The following GLDC variants were observed in gnomAD, a reference collection of about 807,000 sequenced individuals.
GLDC encodes glycine dehydrogenase (decarboxylating), mitochondrial.
A neutral mutation model predicts 121.3 loss-of-function variants in GLDC; 104 were observed. The ratio of observed to expected loss-of-function variants is 0.86; its 90% CI spans 0.73 to 1.01. The LOEUF is 1.01. Ranked by LOEUF, GLDC falls within the 50% of genes least tolerant of loss-of-function variation. GLDC has a pLI of 0.00. For missense variants in GLDC, 1,429 were observed against 1,306.6 expected (o/e 1.09, Z -1.44); for synonymous variants, 546 against 480.6 (o/e 1.14, Z -1.78).
chr9:6,619,802 A>T (rs1299008432), intron 3 of GLDC, among the ~76,000 whole-genome samples: 1 of 152,158 alleles, frequency 6.6e-6, no homozygotes, highest in Non-Finnish European at 1.5e-5. Context: ...CCAATGACTC[A>T]ATGAGATAGC....
chr9:6,535,907 A>T, intron 23 of GLDC, 157 bp downstream of exon 23: 1 of 720,212 alleles, frequency 1.4e-6, no homozygotes, highest in Non-Finnish European at 2.4e-6. Context: ...AAGACGATGG[A>T]AACTTCAAAG....
At chr9:6,603,020 G>C (rs1318916393) in intron 7 of GLDC, among the ~76,000 whole-genome samples, 2 of 152,036 alleles carry the variant, frequency 1.3e-5, no homozygotes, top group African/African-American at 4.8e-5. Context: ...CTGAGGTCCA[G>C]AGTTTGAGAC....
intron 2 of GLDC, among the ~76,000 whole-genome samples, chr9:6,629,953 A>ATTTTTT (rs1208714084): frequency 7.0e-5 from 5 of 71,752 alleles, no homozygotes; most frequent in African/African-American, 2.7e-4. Flanking sequence ...ATGTATATAT[A>ATTTTTT]TATATTTTTT....
chr9:6,553,661 G>A (rs1359160428), intron 19 of GLDC, 152 bp from the exon 20 acceptor site: 10 of 747,276 alleles, frequency 1.3e-5, no homozygotes, highest in African/African-American at 1.2e-4. Context: ...AGATGTTCAG[G>A]AAGCGATCCT....
At chr9:6,615,766 A>G (rs1464349009) in intron 3 of GLDC, among the ~76,000 whole-genome samples, 1 of 151,874 alleles carries the variant, frequency 6.6e-6, no homozygotes, top group African/African-American at 2.4e-5. Context: ...GCCTATCACT[A>G]GGCCTGGCTA....
At chr9:6,558,530 C>G in intron 17 of GLDC, 29 bp downstream of exon 17, 1 of 1,613,690 alleles carries the variant, frequency 6.2e-7, no homozygotes, top group Non-Finnish European at 8.5e-7. Flanking sequence ...ATCCCGGCCT[C>G]TCCCATCTGC....
At chr9:6,634,415 G>C (rs1383959071) in intron 2 of GLDC, among the ~76,000 whole-genome samples, 1 of 152,014 alleles carries the variant, frequency 6.6e-6, no homozygotes, top group Admixed American at 6.6e-5. Context: ...AGCAGTCCCA[G>C]CTACTAGGGA....
At position 6,644,948 on chromosome 9, in the gene GLDC, G is replaced by T. The variant is rs190820220; in HGVS notation, c.256-256C>A. On this transcript the variant is annotated intron_variant, in intron 1 of 24. Transcript: ENST00000321612. ...ACCGGTAAGCCCACTCTTAATCAGGGGGTCTTCCTCCTCTTGCAAAGTTTA... is the reference window on the plus strand; with the variant it reads ...ACCGGTAAGCCCACTCTTAATCAGGTGGTCTTCCTCCTCTTGCAAAGTTTA... 6 of 611,534 alleles carry T rather than the reference G, an allele frequency of 9.8e-6. No homozygotes were observed. In the East Asian group the frequency reaches 1.6e-4, roughly 17 times the overall value. 37.9% of individuals were successfully genotyped at this position (611,534 alleles called of 1,614,324 possible).
At position 6,587,251 on chromosome 9, in the gene GLDC, G is replaced by A. The variant is rs1587946346; in HGVS notation, c.1740C>T (p.His580=). 5 of 1,613,812 alleles carry A rather than the reference G, an allele frequency of 3.1e-6. No individual in the cohort carries two copies. In the South Asian group the frequency reaches 4.4e-5, roughly 14 times the overall value. ...GAGCTTGATCCAGAGGCACAAAGGG[G>A]TGGATGTTTGCAAATTCTTTCCATG... ...PITWKEFANI[H]PFVPLDQAQG... is the part of the protein sequence containing the mutation. Residue 580 remains histidine (H), a synonymous_variant, in exon 15 of 25, where the codon CAC becomes CAT. Transcript: ENST00000321612.
In GLDC at chr9:6,639,668, A is replaced by AAAAAATATATATATATATAT; in HGVS notation, c.334+4945_334+4946insATATATATATATATATTTTT. The AAAAAATATATATATATATAT allele has an allele frequency of 5.3e-3, 1,324 of 250,214 alleles. 14 individuals carry two copies. Among genetic ancestry groups the AAAAAATATATATATATATAT allele is most frequent in the Non-Finnish European group, 6.9e-3 (1,069 of 155,810 alleles). The allele number at this position is 250,214 out of a possible 1,614,324, so 15.5% of individuals were successfully genotyped here. A position where few individuals can be genotyped will look rare whatever the true frequency, so the allele number is the denominator to read the frequency against. ...ATATATCTTTTCACCATAAAAAAAA[A>AAAAAATATATATATATATAT]GTATATATATATATATATATGGACA... On this transcript the variant is annotated intron_variant, in intron 2 of 24. Coordinates refer to ENST00000321612, the MANE Select transcript of GLDC (RefSeq NM_000170.3).
At chr9:6,644,534 A>C in intron 2 of GLDC, 80 bp downstream of exon 2, 13 of 908,440 alleles carry the variant, frequency 1.4e-5, no homozygotes, top group Non-Finnish European at 2.4e-5. Context: ...TCCTTACCCC[A>C]GAGCTCGATT....
At chr9:6,635,774 C>G (rs1393364774) in intron 2 of GLDC, among the ~76,000 whole-genome samples, 2 of 151,962 alleles carry the variant, frequency 1.3e-5, no homozygotes, top group East Asian at 3.9e-4. Flanking sequence ...ACTTGGAAGG[C>G]TGAGGTGACA....
At chr9:6,572,496 G>C (rs192129870) in intron 15 of GLDC, among the ~76,000 whole-genome samples, 12 of 152,240 alleles carry the variant, frequency 7.9e-5, no homozygotes, top group Non-Finnish European at 1.5e-4. Context: ...CTATGGGAGA[G>C]ACACGGTCCT....
intron 2 of GLDC, among the ~76,000 whole-genome samples, chr9:6,622,532 G>A (rs1281686974): frequency 2.0e-5 from 3 of 152,142 alleles, no homozygotes; most frequent in Non-Finnish European, 4.4e-5. Flanking sequence ...ACAGAGTCTC[G>A]TTCACTCAGT....
chr9:6,535,395 G>A (rs1817104589), intron 23 of GLDC, among the ~76,000 whole-genome samples: 1 of 151,250 alleles, frequency 6.6e-6, no homozygotes, highest in Admixed American at 6.6e-5. Context: ...CTCTAGAGAG[G>A]TGCCTGCCTT....
In GLDC at chr9:6,606,678, A is replaced by G. The variant is rs1254322993; in HGVS notation, c.636-9T>C. 3.2e-6 allele frequency: 5 copies of G among 1,543,678 alleles called. No individual in the cohort carries two copies. The highest frequency in any genetic ancestry group is 1.7e-5 in the Admixed American group (1 of 59,922). On this transcript the variant is annotated splice_polypyrimidine_tract_variant and intron_variant, in intron 4 of 24. Coordinates refer to ENST00000321612, the MANE Select transcript of GLDC (RefSeq NM_000170.3). ...TCCTCCTCTTGTTGTGTCTGTTGAA[A>G]AGAAAAAGCACATTCCAACGTGAAC...
intron 3 of GLDC, among the ~76,000 whole-genome samples, chr9:6,617,069 G>A (rs1325349437): frequency 3.3e-5 from 5 of 151,988 alleles, no homozygotes; most frequent in Admixed American, 6.6e-5. Flanking sequence ...GTTTTCTTTC[G>A]AGGCTATGTC....
At chr9:6,620,548 T>G (rs1407810635) in intron 2 of GLDC, among the ~76,000 whole-genome samples, 6 of 152,114 alleles carry the variant, frequency 3.9e-5, no homozygotes, top group Admixed American at 3.9e-4. Context: ...CCATCACTGT[T>G]TTGACTGTTC....
At chr9:6,640,537 A>G (rs1819608584) in intron 2 of GLDC, among the ~76,000 whole-genome samples, 2 of 152,254 alleles carry the variant, frequency 1.3e-5, no homozygotes, top group Non-Finnish European at 2.9e-5. Context: ...TTAACCATTT[A>G]GTAGAAATCA....
Sources: gnomAD v4.1 joint callset for allele counts (sites outside exome capture counted in the v4.1 genomes callset) on GRCh38, gnomAD v4.1.1 for gene constraint, MANE v1.5 for transcripts, NCBI Gene and HGNC (gene_info 2026-07-23, HGNC 2026-07-21) for gene names.